The following ABCG1 variants were observed in gnomAD, a reference collection of about 807,000 sequenced individuals.
The protein encoded by ABCG1 is ATP-binding cassette sub-family G member 1.
A neutral mutation model predicts 69.2 loss-of-function variants in ABCG1; 29 were observed. That is an observed-to-expected ratio of 0.42 (90% confidence interval 0.31 to 0.57). The LOEUF (loss-of-function observed/expected upper bound fraction) is 0.57. Among genes scored for constraint, ABCG1 ranks in the 20% least tolerant of loss-of-function variants. The pLI is 0.15. For synonymous variants in ABCG1, 370 were observed against 374.8 expected, an observed-to-expected ratio of 0.99 and a Z score of 0.15; for missense variants, 718 against 898.1, an observed-to-expected ratio of 0.80 and a Z score of 2.56.
upstream of ABCG1, among the ~76,000 whole-genome samples, chr21:42,216,826 C>T (rs140794551): frequency 3.9e-5 from 6 of 152,296 alleles, no homozygotes; most frequent in Middle Eastern, 3.4e-3. Context: ...CCCGATCGGG[C>T]GCTGGAGGGG....
chr21:42,237,095 C>G (rs1391821062), intron 2 of ABCG1, among the ~76,000 whole-genome samples: 1 of 152,226 alleles, frequency 6.6e-6, no homozygotes, highest in Non-Finnish European at 1.5e-5. Flanking sequence ...TGCCCAAACC[C>G]AGCAGCCTTT....
intron 11 of ABCG1, among the ~76,000 whole-genome samples, chr21:42,290,688 T>G (rs1329848371): frequency 6.6e-6 from 1 of 152,172 alleles, no homozygotes; most frequent in East Asian, 1.9e-4. Context: ...AACTTTAGCA[T>G]AAATAGCTCC....
At chr21:42,205,966 A>G (rs1053097554) in intron 2 of ABCG1, among the ~76,000 whole-genome samples, 2 of 152,140 alleles carry the variant, frequency 1.3e-5, no homozygotes, top group Non-Finnish European at 2.9e-5. Context: ...TTTGCCTCAT[A>G]AATTATTTTA....
chr21:42,219,433 C>T lies in ABCG1; in HGVS notation c.42+129C>T, dbSNP rs1037703901. ...GCGTCCTCTGGGCGCTGACCCAGGG[C>T]ACCCTAGAGTGGCGCCCGGCTCCGA... On this transcript the variant is annotated intron_variant, in intron 1 of 14. Coordinates refer to ENST00000398449, the MANE Select transcript of ABCG1 (RefSeq NM_016818.3). This position sits in a 1 kb window ranked among gnomAD's most constrained non-coding sequence, Gnocchi z 5.3. 2.2e-6 allele frequency: 3 copies of T among 1,339,338 alleles called. No homozygotes were observed. Among genetic ancestry groups the T allele is most frequent in the Admixed American group, 5.4e-5 (2 of 36,940 alleles). 83.0% of individuals were successfully genotyped at this position (1,339,338 alleles called of 1,614,324 possible).
In ABCG1 at chr21:42,291,221, AC is replaced by A. The variant is rs371520061; in HGVS notation, c.1494+30del. The stretch of plus-strand genomic sequence containing the variant: ...TGTTAGCCAGGGGCTGGAATTTGAA[AC>A]GGGGGCAAGAGTTCTCCTGTACACC... On this transcript the variant is annotated intron_variant, in intron 12 of 14. Transcript: ENST00000398449. This position sits in a 1 kb window ranked among gnomAD's most constrained non-coding sequence, Gnocchi z 6.4. 1,466 of 1,565,338 alleles carry A rather than the reference AC, an allele frequency of 9.4e-4. 14 individuals carry two copies. In the South Asian group the frequency reaches 0.016, roughly 17 times the overall value.
intron 2 of ABCG1, among the ~76,000 whole-genome samples, chr21:42,262,837 G>T (rs1038066211): frequency 6.6e-6 from 1 of 152,212 alleles, no homozygotes; most frequent in African/African-American, 2.4e-5. Flanking sequence ...CACAGTAGTC[G>T]CTTGCTGTGA....
At chr21:42,223,937 G>A (rs1056077795) in intron 1 of ABCG1, among the ~76,000 whole-genome samples, 4 of 152,216 alleles carry the variant, frequency 2.6e-5, no homozygotes, top group Non-Finnish European at 5.9e-5. Context: ...GGGTGCAGAT[G>A]TTGCGTGGCA....
At chr21:42,233,041 A>G (rs1026399705) in intron 2 of ABCG1, among the ~76,000 whole-genome samples, 2 of 152,196 alleles carry the variant, frequency 1.3e-5, no homozygotes, top group African/African-American at 4.8e-5. Flanking sequence ...ACTTACTCTC[A>G]AATACAATGT....
chr21:42,261,590 G>C (rs921508709), intron 2 of ABCG1, among the ~76,000 whole-genome samples: 1 of 152,166 alleles, frequency 6.6e-6, no homozygotes, highest in African/African-American at 2.4e-5. Context: ...TCTGTGTATC[G>C]GGGACTGCCC....
intron 2 of ABCG1, among the ~76,000 whole-genome samples, chr21:42,241,705 T>G (rs2123599847): frequency 6.6e-6 from 1 of 152,002 alleles, no homozygotes; most frequent in East Asian, 1.9e-4. Flanking sequence ...AAAAATGCCC[T>G]GCTGGGTGCA....
intron 1 of ABCG1, among the ~76,000 whole-genome samples, chr21:42,220,666 C>G (rs1215785997): frequency 2.0e-5 from 3 of 152,376 alleles, no homozygotes; most frequent in Non-Finnish European, 1.5e-5. Flanking sequence ...GTGGCTTCTA[C>G]GTAGAAGAGG....
At chr21:42,218,951 C>T (rs1393208997), upstream of ABCG1, among the ~76,000 whole-genome samples, 1 of 152,252 alleles carries the variant, frequency 6.6e-6, no homozygotes, top group South Asian at 2.1e-4. Flanking sequence ...GTTCCCATGC[C>T]GCCTGCGAGG....
intron 1 of ABCG1, among the ~76,000 whole-genome samples, chr21:42,224,095 C>T (rs2067774564): frequency 6.6e-6 from 1 of 152,174 alleles, no homozygotes; most frequent in African/African-American, 2.4e-5. Flanking sequence ...TAGAACCCAG[C>T]GCGTTCTGTG....
chr21:42,284,541 G>A lies in ABCG1; in HGVS notation c.735-19G>A, dbSNP rs373106829. 22 of 1,611,254 alleles carry A rather than the reference G, an allele frequency of 1.4e-5. No homozygotes were observed. In the South Asian group the frequency reaches 2.0e-4, roughly 14 times the overall value. ...TTCCTGCCGCCCGCAGGCGTCTCAC[G>A]GTGCCTCTTGACTTGCAGCGGCCTG... On this transcript the variant is annotated intron_variant, in intron 6 of 14. Transcript: ENST00000398449.
Position 42,225,884 on chromosome 21 carries a change from G to C in ABCG1, c.256G>C (p.Val86Leu). The part of the protein sequence containing the change: ...NIEFRDLSYS[V>L]PEGPWWRKKG... ...TGAATTCAGGGACCTTTCCTATTCG[G>C]TTCCTGAAGGACCCTGGTGGAGGAA... Residue 86 changes from valine (V) to leucine (L), a missense_variant, in exon 2 of 15, where the codon GTT (valine) becomes CTT (leucine). Coordinates refer to ENST00000398449, the MANE Select transcript of ABCG1 (RefSeq NM_016818.3). 6.2e-7 allele frequency: 1 copy of C among 1,613,502 alleles called. No homozygotes were observed. Among genetic ancestry groups the C allele is most frequent in the Non-Finnish European group, 8.5e-7 (1 of 1,179,986 alleles).
At chr21:42,272,430 G>A (rs1442473887) in intron 3 of ABCG1, among the ~76,000 whole-genome samples, 1 of 152,284 alleles carries the variant, frequency 6.6e-6, no homozygotes, top group African/African-American at 2.4e-5. Flanking sequence ...GCCTGGAGGA[G>A]AGAAGAGACC....
At chr21:42,289,870 G>C (rs1311284888) in intron 10 of ABCG1, among the ~76,000 whole-genome samples, 180 bp from the exon 11 acceptor site, 1 of 152,210 alleles carries the variant, frequency 6.6e-6, no homozygotes, top group Non-Finnish European at 1.5e-5. Flanking sequence ...GTGAGTGTGT[G>C]TGTGTATGTG....
At chr21:42,248,354 C>T (rs1243065589) in intron 2 of ABCG1, among the ~76,000 whole-genome samples, 4 of 152,070 alleles carry the variant, frequency 2.6e-5, no homozygotes, top group Non-Finnish European at 5.9e-5. Flanking sequence ...TGGAGGGAAG[C>T]GAAGTGAAGT....
At position 42,273,229 on chromosome 21, in the gene ABCG1, C is replaced by T; in HGVS notation, c.405-74C>T. 6.5e-7 allele frequency: 1 copy of T among 1,540,768 alleles called. No individual in the cohort carries two copies. The highest frequency in any genetic ancestry group is 8.7e-7 in the Non-Finnish European group (1 of 1,144,504). On this transcript the variant is annotated intron_variant, in intron 3 of 14. Transcript: ENST00000398449. The surrounding 1 kb of genome is among the most constrained non-coding windows in gnomAD (Gnocchi z 5.3). ...GGGAGGCAAGCCCCCGTCTCTGGCT[C>T]CCCTCTCCTGCCCCGGGAGGTGGAG...
Sources: allele counts gnomAD v4.1 joint callset (sites outside exome capture counted in the v4.1 genomes callset), GRCh38; gene constraint gnomAD v4.1.1; non-coding constraint Gnocchi (gnomAD v3.1); transcripts MANE v1.5; gene names NCBI Gene and HGNC (gene_info 2026-07-23, HGNC 2026-07-21).